The following APBB1IP variants were observed in gnomAD, a reference collection of about 807,000 sequenced individuals.
APBB1IP encodes the protein amyloid beta A4 precursor protein-binding family B member 1-interacting protein.
In APBB1IP, 27 loss-of-function variants were observed where a neutral mutation model predicts 64.9. The observed-to-expected ratio is 0.42, with a 90% confidence interval of 0.31 to 0.57. The LOEUF (loss-of-function observed/expected upper bound fraction) is 0.57. APBB1IP is among the 20% of genes least tolerant of loss of function. The pLI is 0.20. For missense variants in APBB1IP, 812 were observed against 845.5 expected (o/e 0.96, Z 0.49); for synonymous variants, 392 against 331.0 (o/e 1.18, Z -2.00).
At chr10:26,452,038 G>A (rs1018503817) in intron 2 of APBB1IP, among the ~76,000 whole-genome samples, 1 of 152,170 alleles carries the variant, frequency 6.6e-6, no homozygotes, top group Non-Finnish European at 1.5e-5. Context: ...TGGTGGCATA[G>A]ATGAAGACTT....
chr10:26,450,536 A>G (rs572541278), intron 2 of APBB1IP, among the ~76,000 whole-genome samples: 46 of 152,288 alleles, frequency 3.0e-4, no homozygotes, highest in Admixed American at 5.9e-4. Flanking sequence ...TGATAAGAGT[A>G]TACACTAATA....
At chr10:26,453,558 G>C (rs1355546479) in intron 2 of APBB1IP, among the ~76,000 whole-genome samples, 1 of 152,018 alleles carries the variant, frequency 6.6e-6, no homozygotes, top group African/African-American at 2.4e-5. Flanking sequence ...ACGTGGACTT[G>C]CCAGATTTGG....
At chr10:26,473,104 T>G (rs1267700214) in intron 2 of APBB1IP, among the ~76,000 whole-genome samples, 1 of 152,202 alleles carries the variant, frequency 6.6e-6, no homozygotes, top group Admixed American at 6.5e-5. Context: ...TCTTTGTTAC[T>G]CAAGCCCTTA....
intron 8 of APBB1IP, among the ~76,000 whole-genome samples, chr10:26,515,887 T>C (rs1400001265): frequency 6.6e-6 from 1 of 152,212 alleles, no homozygotes; most frequent in African/African-American, 2.4e-5. Flanking sequence ...AGGCTGGATC[T>C]AGAAACCAAG....
intron 12 of APBB1IP, 49 bp from the exon 13 acceptor site, chr10:26,560,680 AT>A: frequency 7.3e-7 from 1 of 1,371,084 alleles, no homozygotes; most frequent in South Asian, 1.4e-5. Flanking sequence ...TGAGTGCAGA[AT>A]TTGGGATACA....
intron 11 of APBB1IP, among the ~76,000 whole-genome samples, chr10:26,551,221 G>A (rs989679318): frequency 2.6e-5 from 4 of 152,204 alleles, no homozygotes; most frequent in African/African-American, 4.8e-5. Flanking sequence ...CTGGCCTCAC[G>A]TGTTTCAGCC....
intron 14 of APBB1IP, among the ~76,000 whole-genome samples, chr10:26,565,019 C>T (rs1353787398): frequency 4.6e-5 from 7 of 152,110 alleles, no homozygotes; most frequent in Admixed American, 1.3e-4. Flanking sequence ...CACAAGGAGA[C>T]ATTGTCCCCA....
At chr10:26,502,459 G>A (rs969082580) in intron 5 of APBB1IP, among the ~76,000 whole-genome samples, 8 of 152,062 alleles carry the variant, frequency 5.3e-5, no homozygotes, top group Admixed American at 2.0e-4. Context: ...GGCTAACACC[G>A]TGAAACTCCA....
At chr10:26,467,586 T>C (rs1397626566) in intron 2 of APBB1IP, among the ~76,000 whole-genome samples, 2 of 152,248 alleles carry the variant, frequency 1.3e-5, no homozygotes, top group East Asian at 1.9e-4. Flanking sequence ...CCAGTTACTA[T>C]AGAGGTGGCT....
chr10:26,459,884 A>C (rs1835570179), intron 2 of APBB1IP, among the ~76,000 whole-genome samples: 1 of 152,150 alleles, frequency 6.6e-6, no homozygotes, highest in Non-Finnish European at 1.5e-5. Flanking sequence ...TAATATATTT[A>C]TGTCTTTCCC....
At chr10:26,491,880 G>A (rs1424976627) in intron 2 of APBB1IP, among the ~76,000 whole-genome samples, 1 of 150,428 alleles carries the variant, frequency 6.6e-6, no homozygotes, top group Non-Finnish European at 1.5e-5. Flanking sequence ...TCCTGCCTCA[G>A]CCTCCCGAGT....
At chr10:26,566,131 T>C (rs1407957148) in intron 14 of APBB1IP, among the ~76,000 whole-genome samples, 2 of 152,176 alleles carry the variant, frequency 1.3e-5, no homozygotes, top group Admixed American at 6.5e-5. Flanking sequence ...GAAATACTGT[T>C]AAAGTCCATT....
At chr10:26,515,510 C>G (rs1775229) in intron 8 of APBB1IP, among the ~76,000 whole-genome samples, 99,207 of 152,056 alleles carry the variant, frequency 0.65, 32,474 homozygotes, top group East Asian at 0.81. Flanking sequence ...GGAAAGCTGA[C>G]AAATGTAGTG....
chr10:26,501,220 G>C lies in APBB1IP; in HGVS notation c.453+109G>C, dbSNP rs775688434. The C allele has an allele frequency of 2.0e-6, 3 of 1,502,362 alleles. No individual in the cohort carries two copies. The Admixed American group carries it at 5.4e-5, about 27-fold the overall frequency. The allele number at this position is 1,502,362 out of a possible 1,614,324, so 93.1% of individuals were successfully genotyped here. A position where few individuals can be genotyped will look rare whatever the true frequency, so the allele number is the denominator to read the frequency against. On this transcript the variant is annotated intron_variant, in intron 5 of 14. Coordinates refer to ENST00000376236, the MANE Select transcript of APBB1IP (RefSeq NM_019043.4). ...TAAGTTGGTACATCCAAAGATCTGAGATACTAAAAAACAAAGATACAGAGC... is the reference window on the plus strand; with the variant it reads ...TAAGTTGGTACATCCAAAGATCTGACATACTAAAAAACAAAGATACAGAGC...
intron 11 of APBB1IP, among the ~76,000 whole-genome samples, chr10:26,552,348 A>G (rs1360591321): frequency 6.6e-6 from 1 of 152,118 alleles, no homozygotes; most frequent in Non-Finnish European, 1.5e-5. Context: ...GTGTAATCCC[A>G]GCATTTTCGG....
intron 8 of APBB1IP, among the ~76,000 whole-genome samples, chr10:26,532,012 T>C (rs896342736): frequency 9.2e-5 from 14 of 152,140 alleles, no homozygotes; most frequent in Non-Finnish European, 4.4e-5. Flanking sequence ...GGAAAGCATA[T>C]TGGAATGCAG....
intron 2 of APBB1IP, among the ~76,000 whole-genome samples, chr10:26,483,815 G>C (rs1458162957): frequency 6.6e-6 from 1 of 152,136 alleles, no homozygotes; most frequent in East Asian, 1.9e-4. Flanking sequence ...TGGGCTCAAA[G>C]AATCTTCCTG....
At chr10:26,472,963 A>G (rs1455384320) in intron 2 of APBB1IP, among the ~76,000 whole-genome samples, 3 of 151,374 alleles carry the variant, frequency 2.0e-5, no homozygotes, top group African/African-American at 7.3e-5. Context: ...ATCTTAAGAG[A>G]TAACAGCATA....
intron 3 of APBB1IP, among the ~76,000 whole-genome samples, chr10:26,493,349 A>T (rs896678968): frequency 2.0e-5 from 3 of 152,250 alleles, no homozygotes; most frequent in African/African-American, 7.2e-5. Flanking sequence ...CAGGATTAAA[A>T]GATTAAAGAC....
Sources: allele counts gnomAD v4.1 joint callset (sites outside exome capture counted in the v4.1 genomes callset), GRCh38; gene constraint gnomAD v4.1.1; transcripts MANE v1.5; gene names NCBI Gene and HGNC (gene_info 2026-07-23, HGNC 2026-07-21).